The following DOCK10 variants were observed in gnomAD, a reference collection of about 807,000 sequenced individuals.
DOCK10 encodes the protein dedicator of cytokinesis protein 10.
In DOCK10, 145 loss-of-function variants were observed where a neutral mutation model predicts 280.1. That is an observed-to-expected ratio of 0.52 (90% CI 0.45 to 0.59). DOCK10 has a LOEUF of 0.59. Ranked by LOEUF, DOCK10 falls within the 20% of genes least tolerant of loss-of-function variation. DOCK10 has a pLI of 0.00. For missense variants in DOCK10, 2,368 were observed against 2,651.7 expected, an observed-to-expected ratio of 0.89 and a Z score of 2.35; for synonymous variants, 915 against 942.2, an observed-to-expected ratio of 0.97 and a Z score of 0.53.
intron 3 of DOCK10, among the ~76,000 whole-genome samples, chr2:224,897,298 A>G (rs1037658125): frequency 1.3e-5 from 2 of 152,028 alleles, no homozygotes; most frequent in Non-Finnish European, 2.9e-5. Context: ...AGGTGTATAT[A>G]TTTACAGGGT....
intron 1 of DOCK10, among the ~76,000 whole-genome samples, chr2:224,955,076 C>A (rs1242439463): frequency 1.3e-5 from 2 of 152,188 alleles, no homozygotes; most frequent in Admixed American, 6.5e-5. Flanking sequence ...CCACTACTGG[C>A]AAAATTAACT....
intron 1 of DOCK10, among the ~76,000 whole-genome samples, chr2:224,972,203 T>A (rs995209581): frequency 1.3e-5 from 2 of 152,234 alleles, no homozygotes; most frequent in African/African-American, 2.4e-5. Context: ...AAAGAACTAT[T>A]ATTTTTGGAC....
At position 224,849,555 on chromosome 2, in the gene DOCK10, G is replaced by A. The variant is rs773616570; in HGVS notation, c.2187C>T (p.Ala729=). ...GAGAGTGGTGCAGAACTGCTGTGTA[G>A]GCGGCTGAGGTGAAGAGGGGCCCTC... ...KPGGPLFTSA[A]YTAVLHHSQN... is the part of the protein sequence containing the mutation. The change falls in exon 19 of 56, where the codon GCC becomes GCT. Residue 729 remains alanine (A), a synonymous_variant. Coordinates refer to ENST00000258390, the MANE Select transcript of DOCK10 (RefSeq NM_014689.3). 9.9e-6 allele frequency: 16 copies of A among 1,612,194 alleles called. No homozygotes were observed. Among genetic ancestry groups the A allele is most frequent in the Non-Finnish European group, 1.3e-5 (15 of 1,179,262 alleles).
At position 224,947,367 on chromosome 2, in the gene DOCK10, C is replaced by T. The variant is rs527794282; in HGVS notation, c.124-15699G>A. The stretch of plus-strand genomic sequence containing the variant: ...CCCAAACTTTATAATTCTGGTTAGA[C>T]TCCAAAAGTCAACTGTAATAATATG... On this transcript the variant is annotated intron_variant, in intron 1 of 55. Transcript: ENST00000258390. 2.0e-5 allele frequency among the ~76,000 whole-genome samples: 3 copies of T among 152,298 alleles called. No individual in the cohort carries two copies. The East Asian group carries it at 5.8e-4, about 29-fold the overall frequency.
intron 1 of DOCK10, among the ~76,000 whole-genome samples, chr2:224,987,842 G>C (rs1706011778): frequency 6.6e-6 from 1 of 152,152 alleles, no homozygotes; most frequent in African/African-American, 2.4e-5. Context: ...AGTCTAATTT[G>C]ATGCTTGTCC....
chr2:224,797,671 A>G (rs1436673426), intron 42 of DOCK10, among the ~76,000 whole-genome samples, 161 bp downstream of exon 42: 1 of 152,194 alleles, frequency 6.6e-6, no homozygotes, highest in Non-Finnish European at 1.5e-5. Context: ...AAGGCTGTGC[A>G]CTCATTTTGA....
intron 27 of DOCK10, among the ~76,000 whole-genome samples, chr2:224,828,803 T>C (rs377361149): frequency 2.0e-5 from 3 of 152,224 alleles, no homozygotes; most frequent in East Asian, 3.9e-4. Flanking sequence ...GTAGAGCTGG[T>C]TAATGATGAC....
chr2:224,971,441 A>G (rs1446249515), intron 1 of DOCK10, among the ~76,000 whole-genome samples: 1 of 152,038 alleles, frequency 6.6e-6, no homozygotes, highest in Non-Finnish European at 1.5e-5. Flanking sequence ...TGTGAAGTGA[A>G]AGAGGTGGGT....
At chr2:224,800,040 A>G (rs1361850090) in intron 41 of DOCK10, 111 bp downstream of exon 41, 2 of 593,338 alleles carry the variant, frequency 3.4e-6, no homozygotes, top group Non-Finnish European at 5.9e-6. Flanking sequence ...TGATTTATAT[A>G]AGGTTAATTG....
chr2:224,795,551 A>C (rs1046255895), intron 44 of DOCK10, among the ~76,000 whole-genome samples: 1 of 152,230 alleles, frequency 6.6e-6, no homozygotes, highest in Non-Finnish European at 1.5e-5. Context: ...AATTGGAACT[A>C]TCAAACAAGG....
At chr2:225,001,289 C>CTTTTTTTTTT (rs141808105) in intron 1 of DOCK10, among the ~76,000 whole-genome samples, 1 of 128,280 alleles carries the variant, frequency 7.8e-6, no homozygotes, top group Non-Finnish European at 1.6e-5. Flanking sequence ...TACAACAGAC[C>CTTTTTTTTTT]TTTTTTTTTT....
rs1303616438 is a variant in DOCK10 at position 224,886,467 on chromosome 2, TATC to T, written c.478_480del (p.Asp160del). On this transcript the variant is annotated inframe_deletion, in exon 5 of 56. Transcript: ENST00000258390. ...TTCAACTATTTACTTACTTCATCCT[TATC>T]AGCATCTTCATGGTCAATCTCAAAG... 1 of 1,610,430 alleles carries T rather than the reference TATC, an allele frequency of 6.2e-7. No homozygotes were observed. The highest frequency in any genetic ancestry group is 8.5e-7 in the Non-Finnish European group (1 of 1,178,106).
At chr2:224,853,241 T>C in intron 16 of DOCK10, 119 bp from the exon 17 acceptor site, 3 of 774,490 alleles carry the variant, frequency 3.9e-6, no homozygotes, top group Non-Finnish European at 3.7e-6. Context: ...GTACACCAAT[T>C]GATATTAGCT....
At chr2:224,856,753 TTCTGG>T in intron 15 of DOCK10, 102 bp downstream of exon 15, 2 of 1,068,726 alleles carry the variant, frequency 1.9e-6, no homozygotes, top group Non-Finnish European at 2.6e-6. Context: ...AATATCTGCT[TTCTGG>T]AGGTTTGGGT....
intron 48 of DOCK10, 38 bp from the exon 49 acceptor site, chr2:224,787,435 T>C (rs1449294488): frequency 1.2e-6 from 2 of 1,611,522 alleles, no homozygotes; most frequent in African/African-American, 2.7e-5. Flanking sequence ...TTTACATGAT[T>C]AGGGTTGTGG....
intron 52 of DOCK10, 113 bp downstream of exon 52, chr2:224,774,792 T>A: frequency 1.1e-6 from 1 of 927,232 alleles, no homozygotes; most frequent in Non-Finnish European, 1.7e-6. Context: ...TTAGCACATG[T>A]TGGGTACTTC....
At chr2:224,887,603 C>T (rs999216506) in intron 4 of DOCK10, among the ~76,000 whole-genome samples, 5 of 152,072 alleles carry the variant, frequency 3.3e-5, no homozygotes, top group Non-Finnish European at 5.9e-5. Flanking sequence ...AGCTGTTTGG[C>T]CCCCTTTACT....
At chr2:224,833,812 A>G (rs1472357236) in intron 26 of DOCK10, among the ~76,000 whole-genome samples, 2 of 151,796 alleles carry the variant, frequency 1.3e-5, no homozygotes. Context: ...ACTCCTGGCT[A>G]ATTTTGTTTT....
chr2:224,917,925 G>C (rs1391026945), intron 2 of DOCK10, among the ~76,000 whole-genome samples: 1 of 152,130 alleles, frequency 6.6e-6, no homozygotes, highest in Admixed American at 6.5e-5. Flanking sequence ...CAACAGCTGA[G>C]ATCTCGTATA....
Sources: gnomAD v4.1 joint callset for allele counts (sites outside exome capture counted in the v4.1 genomes callset) on GRCh38, gnomAD v4.1.1 for gene constraint, MANE v1.5 for transcripts, NCBI Gene and HGNC (gene_info 2026-07-23, HGNC 2026-07-21) for gene names.